IRAK3: variants seen among roughly 807,000 people sequenced by gnomAD.
The protein encoded by IRAK3 is interleukin 1 receptor associated kinase 3.
A neutral mutation model predicts 56.6 loss-of-function variants in IRAK3; 57 were observed. That is an observed-to-expected ratio of 1.01 (90% CI 0.81 to 1.26). The LOEUF is 1.26. IRAK3 is among the 50% of genes most tolerant of loss of function. IRAK3 has a pLI of 0.00. For missense variants in IRAK3, 703 were observed against 719.0 expected (o/e 0.98, Z 0.25); for synonymous variants, 258 against 255.7 (o/e 1.01, Z -0.09).
At chr12:66,246,188 A>G (rs2053031741) in intron 11 of IRAK3, among the ~76,000 whole-genome samples, 1 of 152,130 alleles carries the variant, frequency 6.6e-6, no homozygotes, top group Non-Finnish European at 1.5e-5. Context: ...GATCTGAAAA[A>G]CAGGTTGGAT....
At chr12:66,215,792 A>ACGCGCGCGCG (rs1426815796) in intron 5 of IRAK3, among the ~76,000 whole-genome samples, 9 of 85,876 alleles carry the variant, frequency 1.0e-4, no homozygotes, top group African/African-American at 2.9e-4. Flanking sequence ...ACATGCACAC[A>ACGCGCGCGCG]CACACACACA....
At chr12:66,240,136 T>G (rs1376739684) in intron 8 of IRAK3, among the ~76,000 whole-genome samples, 1 of 152,232 alleles carries the variant, frequency 6.6e-6, no homozygotes, top group Non-Finnish European at 1.5e-5. Flanking sequence ...CTATATCCTT[T>G]AAAGCATACT....
chr12:66,234,688 A>G (rs2052883617), intron 8 of IRAK3: 1 of 1,608,888 alleles, frequency 6.2e-7, no homozygotes. Flanking sequence ...TAAATTTTCC[A>G]TTAAAATGAC....
chr12:66,227,576 C>CATAAATAAATAA (rs376888092), intron 7 of IRAK3, among the ~76,000 whole-genome samples: 3,373 of 126,614 alleles, frequency 0.027, 106 homozygotes, highest in African/African-American at 0.059. Flanking sequence ...GAGACTCTGT[C>CATAAATAAATAA]ATAAATAAAT....
At chr12:66,245,864 A>C (rs540932367) in intron 11 of IRAK3, among the ~76,000 whole-genome samples, 134 of 152,030 alleles carry the variant, frequency 8.8e-4, no homozygotes, top group African/African-American at 3.2e-3. Flanking sequence ...CCATTTTTTT[A>C]AATTTATTAA....
chr12:66,196,089 TAAACTATATATATATGTAA>T (rs1405223168), intron 1 of IRAK3, among the ~76,000 whole-genome samples: 1 of 152,016 alleles, frequency 6.6e-6, no homozygotes, highest in Admixed American at 6.6e-5. Flanking sequence ...ATATATAAAA[TAAACTATATATATATGTAA>T]ACATATATAT....
At chr12:66,215,197 C>T (rs2052657110) in intron 5 of IRAK3, among the ~76,000 whole-genome samples, 1 of 152,036 alleles carries the variant, frequency 6.6e-6, no homozygotes. Flanking sequence ...GTCCCTGGCC[C>T]CAATTCGTAC....
intron 2 of IRAK3, among the ~76,000 whole-genome samples, chr12:66,204,778 G>GCGCGCGCACACACACACA (rs1026097833): frequency 1.4e-5 from 2 of 147,812 alleles, no homozygotes; most frequent in African/African-American, 4.9e-5. Flanking sequence ...GAGCCCTTGC[G>GCGCGCGCACACACACACA]CACACACACA....
In IRAK3 at chr12:66,253,458, T is replaced by C. The variant is rs1401447365; in HGVS notation, c.*5287T>C. 6.6e-6 allele frequency: 1 copy of C among 152,198 alleles called. No individual in the cohort carries two copies. The highest frequency in any genetic ancestry group is 1.5e-5 in the Non-Finnish European group (1 of 68,034). The allele number at this position is 152,198 out of a possible 1,614,324, so 9.4% of individuals were successfully genotyped here. On this transcript the variant is annotated 3_prime_UTR_variant, in exon 12 of 12. Transcript: ENST00000261233. ...CCGTTCCAAATCATTTATATATACT[T>C]GATGGTCTGTGGGCTTGACTTGCAA... is the stretch of plus-strand genomic sequence containing the variant.
intron 8 of IRAK3, among the ~76,000 whole-genome samples, chr12:66,242,329 C>T (rs1433004654): frequency 6.6e-6 from 1 of 152,198 alleles, no homozygotes; most frequent in African/African-American, 2.4e-5. Context: ...CCAGGAGCCT[C>T]AGACTTGATC....
chr12:66,222,240 A>G (rs1181303584), intron 6 of IRAK3, among the ~76,000 whole-genome samples: 1 of 152,214 alleles, frequency 6.6e-6, no homozygotes, highest in East Asian at 1.9e-4. Context: ...AGATTTTGAC[A>G]GGGATTAGTA....
chr12:66,217,060 T>C, intron 5 of IRAK3, 111 bp from the exon 6 acceptor site: 1 of 789,104 alleles, frequency 1.3e-6, no homozygotes, highest in Non-Finnish European at 2.3e-6. Context: ...AGTGTTCATA[T>C]GTGTTTACAC....
intron 8 of IRAK3, chr12:66,234,346 G>T: frequency 6.2e-7 from 1 of 1,612,606 alleles, no homozygotes; most frequent in Non-Finnish European, 8.5e-7. Context: ...CGGCACCGGG[G>T]TGCTGTAGAA....
At chr12:66,207,382 G>T (rs568818635) in intron 2 of IRAK3, among the ~76,000 whole-genome samples, 1 of 152,026 alleles carries the variant, frequency 6.6e-6, no homozygotes, top group South Asian at 2.1e-4. Context: ...TGAAGCAGGA[G>T]AATTGCTTGA....
At chr12:66,245,689 C>G (rs536830430) in intron 11 of IRAK3, among the ~76,000 whole-genome samples, 1 of 151,704 alleles carries the variant, frequency 6.6e-6, no homozygotes, top group Admixed American at 6.6e-5. Context: ...CGAGCCACCA[C>G]GCCTGGCTAA....
At chr12:66,245,619 C>T (rs1345029743) in intron 11 of IRAK3, among the ~76,000 whole-genome samples, 2 of 145,212 alleles carry the variant, frequency 1.4e-5, no homozygotes, top group Admixed American at 7.1e-5. Context: ...GCAACCTCCA[C>T]CTCCCCAGTT....
chr12:66,189,312 T>C lies in IRAK3; in HGVS notation c.13T>C (p.Cys5Arg), dbSNP rs931346558. ...GGGCAGCCGAGCCATGGCGGGGAAC[T>C]GTGGGGCCCGCGGCGCGCTGTCGGC... MAGN[C>R]GARGALSAHT... Residue 5 changes from cysteine (C) to arginine (R), a missense_variant, in exon 1 of 12, where the codon TGT (cysteine) becomes CGT (arginine). Transcript: ENST00000261233. 3.3e-6 allele frequency: 5 copies of C among 1,534,664 alleles called. No homozygotes were observed. The highest frequency in any genetic ancestry group is 2.0e-5 in the Admixed American group (1 of 51,138).
intron 2 of IRAK3, among the ~76,000 whole-genome samples, chr12:66,204,697 C>T (rs1174741284): frequency 6.6e-6 from 1 of 151,870 alleles, no homozygotes; most frequent in Non-Finnish European, 1.5e-5. Flanking sequence ...TTCTTTGGCT[C>T]TTTTCATAGA....
At position 66,217,153 on chromosome 12, in the gene IRAK3, G is replaced by A; in HGVS notation, c.589-18G>A. 6.4e-7 allele frequency: 1 copy of A among 1,563,746 alleles called. No individual in the cohort carries two copies. The highest frequency in any genetic ancestry group is 8.8e-7 in the Non-Finnish European group (1 of 1,134,360). ...AGATCCTTTCCTTAATTTTGTTCTT[G>A]TCTTTCTGTATATGTAGGAGAAAAA... is the stretch of plus-strand genomic sequence containing the variant. On this transcript the variant is annotated intron_variant, in intron 5 of 11. Transcript: ENST00000261233.
Sources: allele counts gnomAD v4.1 joint callset (sites outside exome capture counted in the v4.1 genomes callset), GRCh38; gene constraint gnomAD v4.1.1; transcripts MANE v1.5; gene names NCBI Gene and HGNC (gene_info 2026-07-23, HGNC 2026-07-21).